CRB1: variants seen among roughly 807,000 people sequenced by gnomAD.
CRB1 encodes protein crumbs homolog 1.
Under a neutral mutation model 120.0 loss-of-function variants are expected in CRB1, and 83 were observed. The ratio of observed to expected loss-of-function variants is 0.69; its 90% confidence interval spans 0.58 to 0.83. The LOEUF (loss-of-function observed/expected upper bound fraction) is 0.83. Ranked by LOEUF, CRB1 falls within the 40% of genes least tolerant of loss-of-function variation. The probability of loss-of-function intolerance (pLI) is 0.00; values close to 1 mark genes in which losing one functional copy is unlikely to be tolerated. For missense variants in CRB1, 1,699 were observed against 1,687.6 expected (o/e 1.01, Z -0.12); for synonymous variants, 625 against 612.5 (o/e 1.02, Z -0.30).
chr1:197,461,798 C>G (rs1480156553), intron 11 of CRB1, among the ~76,000 whole-genome samples: 1 of 152,160 alleles, frequency 6.6e-6, no homozygotes, highest in Admixed American at 6.6e-5. Flanking sequence ...TCAGACCTTA[C>G]TCATCATTTA....
intron 11 of CRB1, among the ~76,000 whole-genome samples, chr1:197,459,062 A>G (rs1446036441): frequency 2.0e-5 from 3 of 152,080 alleles, no homozygotes; most frequent in Non-Finnish European, 4.4e-5. Context: ...ATAGTGGGAA[A>G]AAAAAGTTTG....
intron 5 of CRB1, among the ~76,000 whole-genome samples, chr1:197,397,536 T>A (rs1416040433): frequency 6.6e-6 from 1 of 152,204 alleles, no homozygotes; most frequent in Non-Finnish European, 1.5e-5. Context: ...TCTTTACTCA[T>A]AATTTCGAAA....
chr1:197,409,070 G>C lies in CRB1; in HGVS notation c.1172-11930G>C, dbSNP rs117520728. Among the ~76,000 whole-genome samples, 109 of 152,286 alleles carry C rather than the reference G, an allele frequency of 7.2e-4. No individual in the cohort carries two copies. In the East Asian group the frequency reaches 0.02, roughly 28 times the overall value. On this transcript the variant is annotated intron_variant, in intron 5 of 11. Transcript: ENST00000367400. ...TGAATCAAATCTTCCTCTGGGCTCA[G>C]TATTTTTTTTATCTGAGCTACCATA...
intron 5 of CRB1, chr1:197,413,860 C>A (rs1174973113): frequency 2.2e-6 from 1 of 449,922 alleles, no homozygotes; most frequent in Admixed American, 2.4e-5. Flanking sequence ...AGAACAAGCC[C>A]ACACTTCTGG....
chr1:197,392,223 G>A (rs562523389), intron 5 of CRB1, among the ~76,000 whole-genome samples: 1 of 151,664 alleles, frequency 6.6e-6, no homozygotes, highest in East Asian at 1.9e-4. Flanking sequence ...TTTCACTCTG[G>A]TGACAAGGCA....
chr1:197,336,897 G>A (rs1314195464), intron 2 of CRB1, among the ~76,000 whole-genome samples: 1 of 152,124 alleles, frequency 6.6e-6, no homozygotes, highest in Non-Finnish European at 1.5e-5. Flanking sequence ...GAGCAAAAAT[G>A]CATCCCTTTC....
rs1057520152 is a variant in CRB1, at chr1:197,442,274, CG to C, written c.3988del (p.Glu1330SerfsTer11). 1.5e-5 allele frequency: 24 copies of C among 1,614,148 alleles called. No individual in the cohort carries two copies. The highest frequency in any genetic ancestry group is 1.9e-5 in the Non-Finnish European group (22 of 1,180,042). ...QCLCDVAFAG[E>X]RCEVDLADDL... ...GCCTCTGTGATGTTGCCTTTGCTGG[CG>C]AGCGCTGCGAGGTGGACGTAAGCAG... On this transcript the variant is annotated frameshift_variant, in exon 11 of 12. Transcript: ENST00000367400. LOFTEE classifies it low-confidence loss of function (END_TRUNC).
At chr1:197,231,212 C>T in the CRB1 span, among the ~76,000 whole-genome samples, 2 of 152,202 alleles carry the variant, frequency 1.3e-5, no homozygotes, top group African/African-American at 4.8e-5. Flanking sequence ...GACTACAATT[C>T]CTGCTTCATT....
At chr1:197,223,016 G>A in the CRB1 span, 1 of 791,100 alleles carries the variant, frequency 1.3e-6, no homozygotes, top group Non-Finnish European at 2.3e-6. Context: ...TAAGTCATTT[G>A]ACACCTCCCT....
intron 5 of CRB1, among the ~76,000 whole-genome samples, chr1:197,402,124 C>T (rs559900402): frequency 6.6e-5 from 10 of 152,060 alleles, no homozygotes; most frequent in Admixed American, 2.0e-4. Context: ...AGGAGTTTGT[C>T]GCACAGATTA....
chr1:197,239,070 C>T, the CRB1 span, among the ~76,000 whole-genome samples: 1 of 152,012 alleles, frequency 6.6e-6, no homozygotes, highest in African/African-American at 2.4e-5. Flanking sequence ...CTATCAGCTC[C>T]AGGGATATCA....
At chr1:197,415,454 G>A (rs1290816759) in intron 5 of CRB1, among the ~76,000 whole-genome samples, 1 of 151,928 alleles carries the variant, frequency 6.6e-6, no homozygotes, top group African/African-American at 2.4e-5. Context: ...TCTCCACTCT[G>A]GCTACATTTA....
chr1:197,405,712 G>A (rs1038768841), intron 5 of CRB1, among the ~76,000 whole-genome samples: 17 of 151,218 alleles, frequency 1.1e-4, no homozygotes, highest in South Asian at 2.1e-4. Flanking sequence ...GGTGAGGAGC[G>A]TCTCTGCCCA....
intron 4 of CRB1, among the ~76,000 whole-genome samples, chr1:197,354,535 TG>T (rs1660321381): frequency 6.6e-6 from 1 of 152,048 alleles, no homozygotes; most frequent in Non-Finnish European, 1.5e-5. Flanking sequence ...CGCAGACCTT[TG>T]CAGTGAGTGT....
At chr1:197,203,143 T>C in the CRB1 span, among the ~76,000 whole-genome samples, 3 of 152,130 alleles carry the variant, frequency 2.0e-5, no homozygotes, top group Admixed American at 2.0e-4. Flanking sequence ...TGCAGAAAAA[T>C]ATTTGATAAA....
chr1:197,358,742 C>A (rs768031043), intron 5 of CRB1, among the ~76,000 whole-genome samples: 3 of 152,192 alleles, frequency 2.0e-5, no homozygotes, highest in Non-Finnish European at 4.4e-5. Context: ...GTGACACCTG[C>A]AGATTTTATG....
chr1:197,428,957 C>G, intron 7 of CRB1: 1 of 1,529,556 alleles, frequency 6.5e-7, no homozygotes, highest in Non-Finnish European at 8.8e-7. Context: ...AATAATAATA[C>G]TATGTCTCTG....
At chr1:197,455,454 G>C (rs915386366) in intron 11 of CRB1, among the ~76,000 whole-genome samples, 1 of 152,044 alleles carries the variant, frequency 6.6e-6, no homozygotes. Flanking sequence ...ATACCATGCC[G>C]TTGTCTTGTT....
chr1:197,347,601 A>G, intron 4 of CRB1, 122 bp downstream of exon 4: 1 of 1,074,826 alleles, frequency 9.3e-7, no homozygotes, highest in Non-Finnish European at 1.4e-6. Flanking sequence ...CTTCTAGCTA[A>G]TATTGTTTAG....
Sources: gnomAD v4.1 joint callset for allele counts (sites outside exome capture counted in the v4.1 genomes callset) on GRCh38, gnomAD v4.1.1 for gene constraint, MANE v1.5 for transcripts, NCBI Gene and HGNC (gene_info 2026-07-23, HGNC 2026-07-21) for gene names.